Variants in GNAS observed in about 807,000 individuals in gnomAD.
GNAS encodes the protein GNAS complex locus.
A neutral mutation model predicts 54.5 loss-of-function variants in GNAS; 8 were observed. The ratio of observed to expected loss-of-function variants is 0.15; its 90% confidence interval spans 0.09 to 0.26. The LOEUF is 0.26. Among genes scored for constraint, GNAS ranks in the 10% least tolerant of loss-of-function variants. The probability of loss-of-function intolerance (pLI) is 1.00; values close to 1 mark genes in which losing one functional copy is unlikely to be tolerated. For synonymous variants in GNAS, 204 were observed against 191.4 expected (o/e 1.07, Z -0.54); for missense variants, 170 against 529.8 (o/e 0.32, Z 6.67).
intron 1 of GNAS, among the ~76,000 whole-genome samples, chr20:58,882,002 T>C (rs992662547): frequency 6.6e-6 from 1 of 152,218 alleles, no homozygotes; most frequent in African/African-American, 2.4e-5. Context: ...CCCAGTTAGA[T>C]TGTCTCTTTT....
intron 1 of GNAS, among the ~76,000 whole-genome samples, chr20:58,858,325 T>A (rs2086600498): frequency 6.6e-6 from 1 of 152,204 alleles, no homozygotes; most frequent in Admixed American, 6.5e-5. Flanking sequence ...TCTGTTTTTA[T>A]TGCCGGGACA....
rs577524284 is a variant in GNAS, at chr20:58,842,175, T to TAACG, written c.43+1290_43+1293dup. 259 of 398,640 alleles carry TAACG rather than the reference T, an allele frequency of 6.5e-4. 2 individuals carry two copies. The highest frequency in any genetic ancestry group is 4.7e-3 in the African/African-American group (227 of 48,740). 24.7% of individuals were successfully genotyped at this position (398,640 alleles called of 1,614,324 possible). On this transcript the variant is annotated intron_variant, in intron 1 of 12. Transcript: ENST00000306090. ...CAGCACAAAAACGGCAGCAATCTGG[T>TAACG]AACGCACCTTCGGAAGGGAAGGCGT...
intron 1 of GNAS, among the ~76,000 whole-genome samples, chr20:58,894,132 T>C (rs2089805715): frequency 6.6e-6 from 1 of 152,184 alleles, no homozygotes; most frequent in Non-Finnish European, 1.5e-5. Context: ...AAAAATTAAG[T>C]GAATTAGAGA....
At chr20:58,880,051 T>C (rs2088124269) in intron 1 of GNAS, among the ~76,000 whole-genome samples, 1 of 152,192 alleles carries the variant, frequency 6.6e-6, no homozygotes, top group African/African-American at 2.4e-5. Context: ...TCTCTCTCTC[T>C]CTTTTTCCTC....
At chr20:58,889,497 C>CT (rs1335587103), upstream of GNAS, 1 of 258,702 alleles carries the variant, frequency 3.9e-6, no homozygotes, top group South Asian at 1.4e-4. Context: ...AATTCTCTCT[C>CT]TTTTCTCTTC....
chr20:58,887,119 G>A (rs1459894236), upstream of GNAS, among the ~76,000 whole-genome samples: 1 of 152,226 alleles, frequency 6.6e-6, no homozygotes, highest in African/African-American at 2.4e-5. Flanking sequence ...TGGTAATGGA[G>A]CTCAGAGATT....
chr20:58,875,042 T>C (rs1483012911), intron 1 of GNAS, among the ~76,000 whole-genome samples: 1 of 152,226 alleles, frequency 6.6e-6, no homozygotes, highest in Non-Finnish European at 1.5e-5. Flanking sequence ...TGAAAATATC[T>C]GTGTAATACA....
intron 4 of GNAS, 43 bp downstream of exon 4, chr20:58,903,628 C>T (rs2146180560): frequency 2.5e-6 from 4 of 1,614,036 alleles, no homozygotes; most frequent in Non-Finnish European, 3.4e-6. Flanking sequence ...TAGCGCCCTC[C>T]CAGCCAGTGC....
chr20:58,867,221 C>T (rs1201357134), intron 1 of GNAS, among the ~76,000 whole-genome samples: 2 of 152,144 alleles, frequency 1.3e-5, no homozygotes, highest in African/African-American at 4.8e-5. Context: ...AAATGCCAGA[C>T]GTTAGGGGAA....
At position 58,857,474 on chromosome 20, in the gene GNAS, G is replaced by A. The variant is rs1309644623; in HGVS notation, c.43+16588G>A. 2.0e-5 allele frequency among the ~76,000 whole-genome samples: 3 copies of A among 152,206 alleles called. No individual in the cohort carries two copies. The highest frequency in any genetic ancestry group is 4.4e-5 in the Non-Finnish European group (3 of 68,036). ...TGGGAAGCAAACCTGTAGATTGGGG[G>A]TGGGAGGACATAAATGCATACAGAC... On this transcript the variant is annotated intron_variant, in intron 1 of 12. Transcript: ENST00000306090. The surrounding 1 kb of genome is among the most constrained non-coding windows in gnomAD (Gnocchi z 4.1).
intron 1 of GNAS, among the ~76,000 whole-genome samples, chr20:58,869,730 T>C (rs2087309590): frequency 2.6e-5 from 4 of 152,208 alleles, no homozygotes; most frequent in Admixed American, 2.6e-4. Context: ...AGTTTTAAGT[T>C]CTTCCCCTCC....
chr20:58,861,213 G>A (rs548067522), intron 1 of GNAS, among the ~76,000 whole-genome samples: 2 of 152,254 alleles, frequency 1.3e-5, no homozygotes, highest in Admixed American at 6.5e-5. Context: ...GCAAATGTGA[G>A]GTTCCTCTCA....
chr20:58,879,893 A>G (rs938345262), intron 1 of GNAS, among the ~76,000 whole-genome samples: 1 of 152,170 alleles, frequency 6.6e-6, no homozygotes, highest in African/African-American at 2.4e-5. Flanking sequence ...AACCAGCTCA[A>G]TCCAGCCAGC....
chr20:58,855,880 G>A, intron 1 of GNAS: 1 of 545,716 alleles, frequency 1.8e-6, no homozygotes, highest in Non-Finnish European at 3.2e-6. Flanking sequence ...CAAATTACCC[G>A]CCGACTGTGT....
intron 1 of GNAS, among the ~76,000 whole-genome samples, chr20:58,850,112 A>G (rs2086098633): frequency 6.6e-6 from 1 of 152,158 alleles, no homozygotes; most frequent in South Asian, 2.1e-4. Context: ...CGTGGTGGGC[A>G]AACCGTCTCC....
At chr20:58,893,257 TAATAA>T (rs891159230) in intron 1 of GNAS, among the ~76,000 whole-genome samples, 16 of 151,604 alleles carry the variant, frequency 1.1e-4, no homozygotes, top group South Asian at 6.2e-4. Context: ...AAAAAAATAA[TAATAA>T]AATAAAAAAA....
At chr20:58,850,204 C>T (rs2086102253) in intron 1 of GNAS, among the ~76,000 whole-genome samples, 1 of 152,188 alleles carries the variant, frequency 6.6e-6, no homozygotes. Context: ...TTTTCTCCAG[C>T]AAGACTTTCA....
At chr20:58,895,491 A>G (rs2089959482) in intron 1 of GNAS, 121 bp from the exon 2 acceptor site, 1 of 724,854 alleles carries the variant, frequency 1.4e-6, no homozygotes, top group Non-Finnish European at 2.5e-6. Flanking sequence ...CAAGTCTGTG[A>G]TTTTGTGTTT....
Position 58,895,501 on chromosome 20 carries a change from T to C in GNAS, c.140-111T>C. The C allele has an allele frequency of 4.1e-6, 3 of 739,678 alleles. 1 individual carries two copies. In the South Asian group the frequency reaches 4.4e-5, roughly 11 times the overall value. 45.8% of individuals were successfully genotyped at this position (739,678 alleles called of 1,614,324 possible). A position where few individuals can be genotyped will look rare whatever the true frequency, so the allele number is the denominator to read the frequency against. The stretch of plus-strand genomic sequence containing the variant: ...AGTTGCAAGTCTGTGATTTTGTGTT[T>C]GGTTTTTTGCATGTTGCTTCTATGG... On this transcript the variant is annotated intron_variant, in intron 1 of 12. Coordinates refer to ENST00000371085, the MANE Select transcript of GNAS (RefSeq NM_000516.7).
Sources: gnomAD v4.1 joint callset for allele counts (sites outside exome capture counted in the v4.1 genomes callset) on GRCh38, gnomAD v4.1.1 for gene constraint, Gnocchi (gnomAD v3.1) non-coding constraint, MANE v1.5 for transcripts, NCBI Gene and HGNC (gene_info 2026-07-23, HGNC 2026-07-21) for gene names.